Variants in UVRAG observed in about 807,000 individuals in gnomAD.
UVRAG encodes UV radiation resistance-associated gene protein.
A neutral mutation model predicts 78.0 loss-of-function variants in UVRAG; 19 were observed. The ratio of observed to expected loss-of-function variants is 0.24; its 90% CI spans 0.17 to 0.36. The LOEUF is 0.36. Among genes scored for constraint, UVRAG ranks in the 10% least tolerant of loss-of-function variants. The pLI is 1.00. For synonymous variants in UVRAG, 323 were observed against 324.6 expected (o/e 1.00, Z 0.05); for missense variants, 740 against 853.8 (o/e 0.87, Z 1.66).
At chr11:75,954,135 G>A (rs919593319) in intron 6 of UVRAG, among the ~76,000 whole-genome samples, 3 of 152,176 alleles carry the variant, frequency 2.0e-5, no homozygotes, top group African/African-American at 7.2e-5. Context: ...TTTGAAAGGG[G>A]GGTGTTATTA....
chr11:75,922,996 AT>A (rs1004040497), intron 6 of UVRAG, among the ~76,000 whole-genome samples: 1 of 141,736 alleles, frequency 7.1e-6, no homozygotes, highest in Admixed American at 6.9e-5. Context: ...ATATACATAT[AT>A]TTTTTCATAT....
rs757111347 is a variant in UVRAG at position 76,084,321 on chromosome 11, A to G, written c.1305+18533A>G. 3.3e-5 allele frequency among the ~76,000 whole-genome samples: 5 copies of G among 152,194 alleles called. No homozygotes were observed. The East Asian group carries it at 7.7e-4, about 23-fold the overall frequency. ...CATCAGTGCTTTCTTATTTATTTCT[A>G]TAAAGGCGGTATTAATATCTGAATT... is the stretch of plus-strand genomic sequence containing the variant. On this transcript the variant is annotated intron_variant, in intron 13 of 14. Coordinates refer to ENST00000356136, the MANE Select transcript of UVRAG (RefSeq NM_003369.4).
At chr11:75,851,198 G>A (rs955451373) in intron 1 of UVRAG, among the ~76,000 whole-genome samples, 2 of 152,142 alleles carry the variant, frequency 1.3e-5, no homozygotes, top group Admixed American at 6.5e-5. Flanking sequence ...TTGTATTTTT[G>A]TTGATTTCTA....
chr11:75,844,709 G>A (rs1440290756), intron 1 of UVRAG, among the ~76,000 whole-genome samples: 1 of 148,252 alleles, frequency 6.7e-6, no homozygotes, highest in East Asian at 2.0e-4. Flanking sequence ...GCCTCACTGT[G>A]TTGCCCAGTC....
At chr11:75,856,884 G>A (rs1406535004) in intron 2 of UVRAG, among the ~76,000 whole-genome samples, 1 of 152,178 alleles carries the variant, frequency 6.6e-6, no homozygotes, top group South Asian at 2.1e-4. Context: ...AGCTTCTGAT[G>A]TTCCAGCTGT....
At chr11:75,820,477 C>A (rs1231821317) in intron 1 of UVRAG, among the ~76,000 whole-genome samples, 1 of 151,966 alleles carries the variant, frequency 6.6e-6, no homozygotes, top group Non-Finnish European at 1.5e-5. Context: ...GCCTCAGCCT[C>A]CTGAGTAGCT....
At chr11:75,970,589 C>T (rs186580221) in intron 7 of UVRAG, among the ~76,000 whole-genome samples, 7 of 152,008 alleles carry the variant, frequency 4.6e-5, no homozygotes, top group East Asian at 1.9e-4. Context: ...AAAAATTAGC[C>T]GGGCGTGGTC....
chr11:75,877,482 C>T (rs1416980426), intron 3 of UVRAG, among the ~76,000 whole-genome samples: 8 of 148,098 alleles, frequency 5.4e-5, no homozygotes, highest in East Asian at 4.1e-4. Context: ...ACCTCCCTCC[C>T]GGACGGGGCG....
At chr11:76,133,488 A>G (rs778193495) in intron 14 of UVRAG, among the ~76,000 whole-genome samples, 1 of 152,298 alleles carries the variant, frequency 6.6e-6, no homozygotes, top group Non-Finnish European at 1.5e-5. Flanking sequence ...GAGGGAAATG[A>G]TGGGGGCAAG....
At chr11:76,000,325 A>G (rs1198503386) in intron 8 of UVRAG, among the ~76,000 whole-genome samples, 1 of 152,222 alleles carries the variant, frequency 6.6e-6, no homozygotes, top group African/African-American at 2.4e-5. Context: ...ATATATTCCC[A>G]GGTGTGGTGG....
intron 6 of UVRAG, chr11:75,916,280 AC>A (rs1362200943): frequency 1.3e-5 from 2 of 152,088 alleles, no homozygotes; most frequent in Non-Finnish European, 2.9e-5. Flanking sequence ...CTTTTTGTAT[AC>A]CTTAGTCTGC....
At chr11:76,039,589 G>A (rs1239144065) in intron 12 of UVRAG, among the ~76,000 whole-genome samples, 2 of 152,148 alleles carry the variant, frequency 1.3e-5, no homozygotes, top group South Asian at 2.1e-4. Flanking sequence ...AATAAAAAGG[G>A]TGAGGCCAGG....
chr11:76,123,503 T>C (rs1364147475), intron 14 of UVRAG, among the ~76,000 whole-genome samples: 1 of 152,220 alleles, frequency 6.6e-6, no homozygotes, highest in Non-Finnish European at 1.5e-5. Context: ...AATGGCATGC[T>C]CTTTTTTTCT....
chr11:75,972,921 TTTTTG>T (rs1269039954), intron 7 of UVRAG, among the ~76,000 whole-genome samples: 11 of 152,228 alleles, frequency 7.2e-5, no homozygotes, highest in African/African-American at 2.4e-4. Flanking sequence ...GGAGGGTGTT[TTTTTG>T]TTTTGTTTGT....
intron 1 of UVRAG, among the ~76,000 whole-genome samples, chr11:75,825,089 G>C (rs12279534): frequency 6.6e-6 from 1 of 152,006 alleles, no homozygotes; most frequent in South Asian, 2.1e-4. Context: ...CTTTGTTTTA[G>C]GTTTAATGAC....
chr11:75,911,916 G>T, intron 5 of UVRAG, 38 bp from the exon 6 acceptor site: 2 of 1,337,850 alleles, frequency 1.5e-6, no homozygotes, highest in Non-Finnish European at 2.1e-6. Flanking sequence ...ATTTTATTTT[G>T]TTTGGTTTTG....
At chr11:76,121,458 G>A (rs1055270572) in intron 14 of UVRAG, among the ~76,000 whole-genome samples, 11 of 152,358 alleles carry the variant, frequency 7.2e-5, no homozygotes, top group African/African-American at 2.2e-4. Context: ...ACTATTGCCT[G>A]CATAGTGATC....
At chr11:76,095,870 CAA>C (rs747792893) in intron 13 of UVRAG, among the ~76,000 whole-genome samples, 166 of 45,942 alleles carry the variant, frequency 3.6e-3, no homozygotes, top group African/African-American at 0.011. Flanking sequence ...GACTCTGTCT[CAA>C]AAAAAAAAAA....
In UVRAG at chr11:75,909,430, A is replaced by G. The variant is rs191769587; in HGVS notation, c.508-2524A>G. ...GCCCAGGAGGTTGAGACTGCAGTGA[A>G]CTGTGATCATGCTACTACTCTCCAG... is the stretch of plus-strand genomic sequence containing the variant. On this transcript the variant is annotated intron_variant, in intron 5 of 14. Transcript: ENST00000356136. Among the ~76,000 whole-genome samples, 207 of 152,222 alleles carry G rather than the reference A, an allele frequency of 1.4e-3. 2 individuals are homozygous for G. The highest frequency in any genetic ancestry group is 1.9e-3 in the Non-Finnish European group (128 of 67,992).
Sources: gnomAD v4.1 joint callset for allele counts (sites outside exome capture counted in the v4.1 genomes callset) on GRCh38, gnomAD v4.1.1 for gene constraint, MANE v1.5 for transcripts, NCBI Gene and HGNC (gene_info 2026-07-23, HGNC 2026-07-21) for gene names.